Variants in PDGFRL observed in about 807,000 individuals in gnomAD.
PDGFRL encodes platelet derived growth factor receptor like, also known as platelet-derived growth factor receptor-like protein.
In PDGFRL, 46 loss-of-function variants were observed where a neutral mutation model predicts 37.2. That is an observed-to-expected ratio of 1.24 (90% CI 0.98 to 1.58). The LOEUF is 1.58. Ranked by LOEUF, PDGFRL falls within the 40% of genes most tolerant of loss-of-function variation. The pLI is 0.00. For synonymous variants in PDGFRL, 251 were observed against 184.3 expected, an observed-to-expected ratio of 1.36 and a Z score of -2.93; for missense variants, 692 against 467.6, an observed-to-expected ratio of 1.48 and a Z score of -4.43.
chr8:17,641,825 C>T (rs998600840), intron 5 of PDGFRL, among the ~76,000 whole-genome samples: 1 of 148,802 alleles, frequency 6.7e-6, no homozygotes, highest in African/African-American at 2.5e-5. Flanking sequence ...TTTCCGGCAT[C>T]CTGGTACCAG....
intron 2 of PDGFRL, among the ~76,000 whole-genome samples, chr8:17,603,097 C>G (rs907705265): frequency 2.0e-5 from 3 of 152,204 alleles, no homozygotes; most frequent in African/African-American, 4.8e-5. Context: ...ACTCTCATGC[C>G]TCAGCCTCTC....
chr8:17,595,700 C>T (rs1320068745), intron 2 of PDGFRL, among the ~76,000 whole-genome samples: 2 of 152,340 alleles, frequency 1.3e-5, no homozygotes, highest in South Asian at 2.1e-4. Context: ...GTCTCAGGGC[C>T]TCTAGCCCTG....
intron 2 of PDGFRL, among the ~76,000 whole-genome samples, chr8:17,602,383 C>T (rs753264089): frequency 2.0e-5 from 3 of 152,082 alleles, no homozygotes; most frequent in Non-Finnish European, 4.4e-5. Flanking sequence ...AGCGGCTGCC[C>T]CACTTCAGAG....
At chr8:17,581,191 G>T (rs565484086) in intron 1 of PDGFRL, among the ~76,000 whole-genome samples, 1 of 152,242 alleles carries the variant, frequency 6.6e-6, no homozygotes, top group Admixed American at 6.5e-5. Context: ...GATGCCGTTT[G>T]AATGGATAGC....
At chr8:17,635,824 A>T (rs998634735) in intron 5 of PDGFRL, among the ~76,000 whole-genome samples, 1 of 152,138 alleles carries the variant, frequency 6.6e-6, no homozygotes, top group South Asian at 2.1e-4. Context: ...TTCTTGCAGG[A>T]GTAAGGTGGT....
At chr8:17,608,266 G>A (rs890851993) in intron 2 of PDGFRL, among the ~76,000 whole-genome samples, 1 of 152,170 alleles carries the variant, frequency 6.6e-6, no homozygotes, top group Non-Finnish European at 1.5e-5. Context: ...ATGAGATCTG[G>A]TGTCTCAGTT....
chr8:17,634,418 G>C (rs1804927746), intron 5 of PDGFRL, among the ~76,000 whole-genome samples: 1 of 151,860 alleles, frequency 6.6e-6, no homozygotes, highest in South Asian at 2.1e-4. Context: ...TTCTTTTAAG[G>C]ACAGGAAATA....
intron 2 of PDGFRL, among the ~76,000 whole-genome samples, chr8:17,609,804 A>C (rs1804368970): frequency 6.6e-6 from 1 of 152,152 alleles, no homozygotes; most frequent in Admixed American, 6.5e-5. Context: ...AGACTTGCTC[A>C]TGTTGCACAG....
rs1448034882 is a variant in PDGFRL, at chr8:17,634,109, T to G, written c.835T>G (p.Ser279Ala). The G allele has an allele frequency of 3.7e-6, 6 of 1,614,054 alleles. No homozygotes were observed. The highest frequency in any genetic ancestry group is 5.1e-6 in the Non-Finnish European group (6 of 1,179,854). Residue 279 changes from serine (S) to alanine (A), a missense_variant, in exon 5 of 6, where the codon TCT becomes GCT. Coordinates refer to ENST00000251630, the MANE Select transcript of PDGFRL (RefSeq NM_001372073.1). ...CCCTCCCTCAACAACCATCTTGGCT[T>G]CTTCAAACAAAGTGAAAAGTGGGGA... ...SGPPSTTILA[S>A]SNKVKSGDDI...
At chr8:17,604,693 A>T (rs920116127) in intron 2 of PDGFRL, among the ~76,000 whole-genome samples, 2 of 152,140 alleles carry the variant, frequency 1.3e-5, no homozygotes, top group African/African-American at 4.8e-5. Context: ...TATGTAACAA[A>T]CCTGCACGTC....
intron 2 of PDGFRL, among the ~76,000 whole-genome samples, chr8:17,605,643 GGA>G (rs1804258853): frequency 6.6e-6 from 1 of 152,170 alleles, no homozygotes; most frequent in Admixed American, 6.5e-5. Flanking sequence ...GTAGGAACAA[GGA>G]GACGTTGGAG....
intron 5 of PDGFRL, among the ~76,000 whole-genome samples, chr8:17,634,974 T>A (rs1585336435): frequency 9.6e-6 from 1 of 104,540 alleles, no homozygotes; most frequent in Non-Finnish European, 1.7e-5. Flanking sequence ...AAATAAAAGG[T>A]TTTTTTTTAA....
chr8:17,629,806 C>G lies in PDGFRL; in HGVS notation c.799+1026C>G, dbSNP rs553107343. Reference sequence around the variant, plus strand: ...GCAACCACCGGGGCTGACCCCAGCTCCAGTGACACAGGCTTGTACTTTCCC... The same window carrying G: ...GCAACCACCGGGGCTGACCCCAGCTGCAGTGACACAGGCTTGTACTTTCCC... On this transcript the variant is annotated intron_variant, in intron 4 of 5. Transcript: ENST00000251630. Among the ~76,000 whole-genome samples the G allele has an allele frequency of 2.6e-5, 4 of 152,280 alleles. No individual in the cohort carries two copies. In the East Asian group the frequency reaches 7.7e-4, roughly 29 times the overall value.
intron 2 of PDGFRL, among the ~76,000 whole-genome samples, chr8:17,601,132 C>A (rs6983792): frequency 0.22 from 33,439 of 151,974 alleles, 4,266 homozygotes; most frequent in African/African-American, 0.34. Context: ...GTTATTCACT[C>A]CCGCATCCAA....
At chr8:17,585,617 T>C (rs1803798942) in intron 1 of PDGFRL, among the ~76,000 whole-genome samples, 1 of 152,140 alleles carries the variant, frequency 6.6e-6, no homozygotes, top group African/African-American at 2.4e-5. Context: ...CAGAAGAATG[T>C]ATGGTGTGGT....
intron 2 of PDGFRL, among the ~76,000 whole-genome samples, chr8:17,617,239 A>G (rs1218586365): frequency 2.0e-5 from 3 of 152,206 alleles, no homozygotes; most frequent in Non-Finnish European, 4.4e-5. Context: ...TAGAAAGAAA[A>G]GGCCAGAGGC....
At chr8:17,631,425 G>T (rs1177813949) in intron 4 of PDGFRL, among the ~76,000 whole-genome samples, 1 of 152,036 alleles carries the variant, frequency 6.6e-6, no homozygotes. Flanking sequence ...TAGAATTTGG[G>T]TTCTGTCATG....
At chr8:17,614,377 A>G (rs538395844) in intron 2 of PDGFRL, among the ~76,000 whole-genome samples, 90 of 152,206 alleles carry the variant, frequency 5.9e-4, no homozygotes, top group African/African-American at 2.1e-3. Context: ...CGTTTCCTGC[A>G]TATCATTCAG....
Position 17,642,782 on chromosome 8 carries a change from C to T in PDGFRL, c.1109C>T (p.Thr370Ile). Reference protein sequence around the residue: ...QNLQGQTTVATTVEFS With the variant: ...QNLQGQTTVAITVEFS ...CTTCAAGGACAGACCACAGTAGCTA[C>T]CACTGTTGAGTTTTCCTGACTTGGA... The change falls in exon 6 of 6, where the codon ACC becomes ATC. Residue 370 changes from threonine to isoleucine, a missense_variant. Physicochemically the swap from Thr to Ile is moderately conservative, Grantham distance 89 (BLOSUM62 -1). Transcript: ENST00000251630. 6.2e-7 allele frequency: 1 copy of T among 1,605,594 alleles called. No homozygotes were observed. Among genetic ancestry groups the T allele is most frequent in the Non-Finnish European group, 8.5e-7 (1 of 1,173,004 alleles).
Sources: allele counts gnomAD v4.1 joint callset (sites outside exome capture counted in the v4.1 genomes callset), GRCh38; gene constraint gnomAD v4.1.1; transcripts MANE v1.5; gene names NCBI Gene and HGNC (gene_info 2026-07-23, HGNC 2026-07-21).